The following AKT3 variants were observed in gnomAD, a reference collection of about 807,000 sequenced individuals.
AKT3 encodes RAC-gamma serine/threonine-protein kinase.
A neutral mutation model predicts 65.3 loss-of-function variants in AKT3; 15 were observed. The ratio of observed to expected loss-of-function variants is 0.23; its 90% CI spans 0.15 to 0.35. The LOEUF is 0.35. Among genes scored for constraint, AKT3 ranks in the 10% least tolerant of loss-of-function variants. The pLI is 1.00. For synonymous variants in AKT3, 206 were observed against 183.8 expected (o/e 1.12, Z -0.98); for missense variants, 243 against 576.5 (o/e 0.42, Z 5.92).
At chr1:243,569,468 C>T (rs1674399565) in intron 9 of AKT3, among the ~76,000 whole-genome samples, 1 of 152,108 alleles carries the variant, frequency 6.6e-6, no homozygotes, top group Non-Finnish European at 1.5e-5. Flanking sequence ...GGGAAAGTGT[C>T]TTGAAGCTCA....
Position 243,711,125 on chromosome 1 carries a change from C to T in AKT3, c.47-15409G>A, listed in dbSNP as rs117990813. On this transcript the variant is annotated intron_variant, in intron 2 of 13. Transcript: ENST00000673466. ...CACAAGGTCAGGAGTTACAGACAAG[C>T]CTGGCCAACAAAGTGAAACCCCGTC... Among the ~76,000 whole-genome samples, 244 of 152,250 alleles carry T rather than the reference C, an allele frequency of 1.6e-3. 2 individuals are homozygous for T. The East Asian group carries it at 0.041, about 26-fold the overall frequency.
intron 8 of AKT3, among the ~76,000 whole-genome samples, chr1:243,585,257 G>A (rs538875688): frequency 6.6e-5 from 10 of 151,848 alleles, no homozygotes; most frequent in Non-Finnish European, 1.3e-4. Context: ...ATGAAAAAAC[G>A]TTCCATGCTC....
intron 9 of AKT3, among the ~76,000 whole-genome samples, chr1:243,572,581 A>G (rs1482085309): frequency 6.6e-6 from 1 of 152,246 alleles, no homozygotes; most frequent in Non-Finnish European, 1.5e-5. Context: ...TGTTCCTTCC[A>G]ATAGTCTTAC....
At chr1:243,659,715 T>C (rs967032248) in intron 4 of AKT3, among the ~76,000 whole-genome samples, 40 of 152,190 alleles carry the variant, frequency 2.6e-4, no homozygotes, top group African/African-American at 9.2e-4. Context: ...CCTTATATCA[T>C]GTACTGAAAT....
chr1:243,719,473 T>A (rs565452176), intron 2 of AKT3, among the ~76,000 whole-genome samples: 83 of 152,266 alleles, frequency 5.5e-4, no homozygotes, highest in Non-Finnish European at 1.0e-3. Context: ...CCAATTCCAA[T>A]TGCTAAGAAA....
At chr1:243,561,886 T>C (rs1239202022) in intron 10 of AKT3, among the ~76,000 whole-genome samples, 7 of 152,132 alleles carry the variant, frequency 4.6e-5, no homozygotes, top group African/African-American at 1.7e-4. Context: ...CACATGCTCT[T>C]CTGTAATGTA....
intron 4 of AKT3, among the ~76,000 whole-genome samples, chr1:243,653,384 C>A (rs1681522884): frequency 6.6e-6 from 1 of 152,146 alleles, no homozygotes; most frequent in Non-Finnish European, 1.5e-5. Flanking sequence ...AGTCCAGGAC[C>A]AGATGGATTC....
intron 8 of AKT3, chr1:243,612,385 G>C (rs565563946): frequency 6.6e-6 from 1 of 152,130 alleles, no homozygotes; most frequent in African/African-American, 2.4e-5. Flanking sequence ...CAACTGCTGG[G>C]ATTACAAGTC....
intron 2 of AKT3, among the ~76,000 whole-genome samples, chr1:243,759,910 A>G (rs1463053059): frequency 6.6e-6 from 1 of 152,228 alleles, no homozygotes; most frequent in Non-Finnish European, 1.5e-5. Flanking sequence ...TGATAAGTCA[A>G]TTGCCACATT....
chr1:243,527,680 A>C (rs1394089737), intron 12 of AKT3, among the ~76,000 whole-genome samples: 1 of 151,994 alleles, frequency 6.6e-6, no homozygotes, highest in Non-Finnish European at 1.5e-5. Context: ...AACTTCTAAT[A>C]TCAACCATAA....
At chr1:243,585,228 T>A in intron 8 of AKT3, among the ~76,000 whole-genome samples, 1 of 151,772 alleles carries the variant, frequency 6.6e-6, no homozygotes. Context: ...TTAAAAGAAA[T>A]CATACATGAC....
Position 243,695,601 on chromosome 1 carries a change from A to G in AKT3, c.162T>C (p.Phe54=), listed in dbSNP as rs1685012006. 1.3e-6 allele frequency: 2 copies of G among 1,593,688 alleles called. No individual in the cohort carries two copies. The highest frequency in any genetic ancestry group is 4.5e-5 in the East Asian group (2 of 44,328). The change falls in exon 3 of 14, where the codon TTT becomes TTC. Residue 54 remains phenylalanine, a synonymous_variant. Coordinates refer to ENST00000673466, the MANE Select transcript of AKT3 (RefSeq NM_005465.7). ...TTATAATTAACTTACTTGCCACTGA[A>G]AAGTTGTTGAGGGGATAAGGTAAAT... ...DVDLPYPLNN[F]SVAKCQLMKT... is the part of the protein sequence containing the mutation.
At chr1:243,835,286 C>A (rs1694822611) in intron 2 of AKT3, among the ~76,000 whole-genome samples, 1 of 152,032 alleles carries the variant, frequency 6.6e-6, no homozygotes, top group Non-Finnish European at 1.5e-5. Flanking sequence ...CCAAAATCAC[C>A]CTGGTTGTAC....
At chr1:243,608,775 C>T (rs1292955096) in intron 8 of AKT3, among the ~76,000 whole-genome samples, 8 of 78,252 alleles carry the variant, frequency 1.0e-4, no homozygotes, top group African/African-American at 2.3e-4. Flanking sequence ...TTTTTTGAGA[C>T]GGAGTCTTGC....
intron 8 of AKT3, among the ~76,000 whole-genome samples, chr1:243,576,960 T>C (rs567857537): frequency 6.6e-6 from 1 of 152,318 alleles, no homozygotes; most frequent in Non-Finnish European, 1.5e-5. Context: ...GCCATCACAC[T>C]ACCTGACTTC....
At position 243,626,524 on chromosome 1, in the gene AKT3, T is replaced by C. The variant is rs536743582; in HGVS notation, c.561+11087A>G. 5.3e-5 allele frequency among the ~76,000 whole-genome samples: 8 copies of C among 152,316 alleles called. No homozygotes were observed. In the South Asian group the frequency reaches 1.4e-3, roughly 28 times the overall value. On this transcript the variant is annotated intron_variant, in intron 6 of 13. Coordinates refer to ENST00000673466, the MANE Select transcript of AKT3 (RefSeq NM_005465.7). ...CCTCAGTTCAAATCATCAGAGGTGA[T>C]GGGCTACCAAATTAATCAGGATGAG...
At chr1:243,670,952 A>G (rs1251737687) in intron 3 of AKT3, among the ~76,000 whole-genome samples, 2 of 152,206 alleles carry the variant, frequency 1.3e-5, no homozygotes, top group Non-Finnish European at 2.9e-5. Context: ...ATTTTTAGAG[A>G]TCATCTGTTT....
chr1:243,496,305 G>T (rs1667858496), downstream of AKT3, among the ~76,000 whole-genome samples: 1 of 152,220 alleles, frequency 6.6e-6, no homozygotes. Flanking sequence ...CAGCTGCCGA[G>T]CCCTGGCCCC....
chr1:243,644,557 T>C (rs1680666941), intron 5 of AKT3, among the ~76,000 whole-genome samples: 1 of 152,202 alleles, frequency 6.6e-6, no homozygotes, highest in African/African-American at 2.4e-5. Context: ...TTAAAGTGTT[T>C]ATGTAATACG....
Sources: allele counts gnomAD v4.1 joint callset (sites outside exome capture counted in the v4.1 genomes callset), GRCh38; gene constraint gnomAD v4.1.1; transcripts MANE v1.5; gene names NCBI Gene and HGNC (gene_info 2026-07-23, HGNC 2026-07-21).